Variants in CCDC14 observed in about 807,000 individuals in gnomAD.
The protein encoded by CCDC14 is coiled-coil domain-containing protein 14.
A neutral mutation model predicts 81.4 loss-of-function variants in CCDC14; 71 were observed. The ratio of observed to expected loss-of-function variants is 0.87; its 90% confidence interval spans 0.72 to 1.06. The LOEUF (loss-of-function observed/expected upper bound fraction) is 1.06. Among genes scored for constraint, CCDC14 ranks in the 50% least tolerant of loss-of-function variants. The pLI is 0.00. For missense variants in CCDC14, 1,046 were observed against 1,047.3 expected (o/e 1.00, Z 0.02); for synonymous variants, 332 against 364.8 (o/e 0.91, Z 1.03).
In CCDC14 at chr3:123,956,271, TAA is replaced by T. The variant is rs1577341239; in HGVS notation, c.159+82_159+83del. 5.6e-6 allele frequency: 7 copies of T among 1,250,104 alleles called. No individual in the cohort carries two copies. The East Asian group carries it at 1.8e-4, about 32-fold the overall frequency. The allele number at this position is 1,250,104 out of a possible 1,614,324, so 77.4% of individuals were successfully genotyped here. A position where few individuals can be genotyped will look rare whatever the true frequency, so the allele number is the denominator to read the frequency against. ...AGACTTCATACTTCCTTAGAGCAAT[TAA>T]TACTTTGCATTTTATTCCTACTTTT... On this transcript the variant is annotated intron_variant, in intron 3 of 12. Transcript: ENST00000409697.
intron 5 of CCDC14, among the ~76,000 whole-genome samples, chr3:123,898,883 TG>T (rs1465659937): frequency 1.3e-3 from 73 of 56,276 alleles, no homozygotes; most frequent in South Asian, 3.9e-3. Context: ...TTTGTTTGGT[TG>T]TTTTTTTTTT....
intron 5 of CCDC14, chr3:123,955,057 C>A (rs756970990): frequency 1.3e-5 from 2 of 152,154 alleles, no homozygotes; most frequent in Non-Finnish European, 2.9e-5. Context: ...CTTTCTCAGC[C>A]TCCTTGCTTA....
At chr3:123,929,470 C>T (rs2035581284) in intron 12 of CCDC14, among the ~76,000 whole-genome samples, 1 of 151,790 alleles carries the variant, frequency 6.6e-6, no homozygotes, top group African/African-American at 2.4e-5. Context: ...GCACAGCTAA[C>T]TTTGGTATTT....
At chr3:123,933,455 A>G (rs1353891421) in intron 10 of CCDC14, 4 of 528,802 alleles carry the variant, frequency 7.6e-6, no homozygotes, top group Non-Finnish European at 1.3e-5. Flanking sequence ...TCAATTATAT[A>G]TGAAGAGAAG....
chr3:123,936,937 A>G (rs928975257), intron 9 of CCDC14, among the ~76,000 whole-genome samples: 6 of 152,120 alleles, frequency 3.9e-5, no homozygotes, highest in African/African-American at 1.2e-4. Flanking sequence ...TATAGTTTGC[A>G]TATTCTAGAA....
chr3:123,937,277 G>A (rs929027745), intron 9 of CCDC14, among the ~76,000 whole-genome samples: 4 of 151,926 alleles, frequency 2.6e-5, no homozygotes, highest in Admixed American at 2.0e-4. Context: ...TTTCCAAAGT[G>A]TTCAAATTAT....
intron 12 of CCDC14, among the ~76,000 whole-genome samples, chr3:123,919,136 A>G (rs2034891229): frequency 6.6e-6 from 1 of 152,044 alleles, no homozygotes; most frequent in African/African-American, 2.4e-5. Flanking sequence ...CATTAGCATA[A>G]ATCTGTGGAG....
chr3:123,914,667 T>C lies in CCDC14; in HGVS notation c.*112A>G. 2 of 1,429,992 alleles carry C rather than the reference T, an allele frequency of 1.4e-6. No individual in the cohort carries two copies. The highest frequency in any genetic ancestry group is 2.6e-4 in the Middle Eastern group (1 of 3,836). 88.6% of individuals were successfully genotyped at this position (1,429,992 alleles called of 1,614,324 possible). A position where few individuals can be genotyped will look rare whatever the true frequency, so the allele number is the denominator to read the frequency against. On this transcript the variant is annotated 3_prime_UTR_variant, in exon 13 of 13. Coordinates refer to ENST00000409697, the MANE Select transcript of CCDC14 (RefSeq NM_001366335.1). ...CAATACATTTATTACTTGTACAATA[T>C]ATTACTTCACACATAATAACATAAA...
chr3:123,947,194 A>C lies in CCDC14; in HGVS notation c.810T>G (p.Thr270=), dbSNP rs964891581. 2.5e-6 allele frequency: 4 copies of C among 1,613,966 alleles called. No homozygotes were observed. Among genetic ancestry groups the C allele is most frequent in the Non-Finnish European group, 2.5e-6 (3 of 1,179,872 alleles). Residue 270 remains threonine, a synonymous_variant, in exon 8 of 13, where the codon ACT becomes ACG. Coordinates refer to ENST00000409697, the MANE Select transcript of CCDC14 (RefSeq NM_001366335.1). ...SPGVPCSLPK[T]DISAIPTLQQ... The stretch of plus-strand genomic sequence containing the variant: ...GCAATGTTGGAATAGCTGATATGTC[A>C]GTTTTGGGCAGGCTACATGGAACTC...
chr3:123,924,112 A>G (rs1227947340), intron 12 of CCDC14, among the ~76,000 whole-genome samples: 1 of 152,148 alleles, frequency 6.6e-6, no homozygotes, highest in Non-Finnish European at 1.5e-5. Context: ...CATGCTGATC[A>G]ATGGAACAGG....
intron 12 of CCDC14, among the ~76,000 whole-genome samples, chr3:123,925,058 T>C (rs2035283167): frequency 6.6e-6 from 1 of 151,870 alleles, no homozygotes; most frequent in South Asian, 2.1e-4. Flanking sequence ...AAACCTAAGT[T>C]TCCTTCAGTG....
chr3:123,956,891 A>G (rs1385342383), intron 1 of CCDC14, 96 bp from the exon 2 acceptor site: 1 of 774,988 alleles, frequency 1.3e-6, no homozygotes, highest in Admixed American at 3.0e-5. Flanking sequence ...TTTTTCTTTT[A>G]TTCATCTTCT....
At chr3:123,937,118 T>C (rs1019634591) in intron 9 of CCDC14, among the ~76,000 whole-genome samples, 2 of 152,094 alleles carry the variant, frequency 1.3e-5, no homozygotes, top group Non-Finnish European at 2.9e-5. Context: ...CATTCACCTA[T>C]TGATAGACAT....
At chr3:123,956,136 T>C (rs1230236647) in intron 3 of CCDC14, 21 bp from the exon 4 acceptor site, 7 of 1,527,474 alleles carry the variant, frequency 4.6e-6, no homozygotes, top group Non-Finnish European at 5.3e-6. Flanking sequence ...TAAAGTCATT[T>C]AGAATACATT....
intron 12 of CCDC14, among the ~76,000 whole-genome samples, chr3:123,929,807 C>T (rs1219757851): frequency 6.6e-6 from 1 of 152,186 alleles, no homozygotes; most frequent in African/African-American, 2.4e-5. Context: ...TACTTTGTGT[C>T]TCTGTGAATC....
At chr3:123,901,197 A>G (rs1559753902) in intron 5 of CCDC14, among the ~76,000 whole-genome samples, 1 of 151,954 alleles carries the variant, frequency 6.6e-6, no homozygotes, top group Non-Finnish European at 1.5e-5. Flanking sequence ...ATGCCATTGC[A>G]CTCCAACCTG....
intron 12 of CCDC14, among the ~76,000 whole-genome samples, chr3:123,921,574 G>A (rs1055143040): frequency 3.3e-5 from 5 of 152,064 alleles, no homozygotes; most frequent in Admixed American, 6.5e-5. Context: ...TTCAGTACCC[G>A]GCTCTCAACA....
chr3:123,929,738 T>C (rs1360390750), intron 12 of CCDC14, among the ~76,000 whole-genome samples: 18 of 152,152 alleles, frequency 1.2e-4, no homozygotes, highest in Admixed American at 8.5e-4. Flanking sequence ...AACTACCCAT[T>C]AGCAGTCATT....
chr3:123,907,981 T>G (rs1255402080), intron 5 of CCDC14, among the ~76,000 whole-genome samples: 1 of 152,062 alleles, frequency 6.6e-6, no homozygotes, highest in Non-Finnish European at 1.5e-5. Context: ...CATTACCATC[T>G]TCACATTAAG....
Sources: allele counts gnomAD v4.1 joint callset (sites outside exome capture counted in the v4.1 genomes callset), GRCh38; gene constraint gnomAD v4.1.1; transcripts MANE v1.5; gene names NCBI Gene and HGNC (gene_info 2026-07-23, HGNC 2026-07-21).